The following RIC8B variants were observed in gnomAD, a reference collection of about 807,000 sequenced individuals.
The protein encoded by RIC8B is RIC8 guanine nucleotide exchange factor B.
RIC8B carries 16 observed loss-of-function variants against 57.5 expected under a neutral mutation model. The ratio of observed to expected loss-of-function variants is 0.28; its 90% CI spans 0.19 to 0.42. The LOEUF (loss-of-function observed/expected upper bound fraction) is 0.42, where lower values mean the gene tolerates loss of function less well. RIC8B is among the 10% of genes least tolerant of loss of function. The pLI is 1.00. For synonymous variants in RIC8B, 216 were observed against 250.8 expected (o/e 0.86, Z 1.31); for missense variants, 481 against 677.0 (o/e 0.71, Z 3.21).
In RIC8B at chr12:106,860,249, C is replaced by A; in HGVS notation, c.1307-19C>A. The stretch of plus-strand genomic sequence containing the variant: ...AAGACCCAAGGATTCCTATCTAAAA[C>A]CCTATTCTGTTTTTGCAGTGGATAG... On this transcript the variant is annotated intron_variant, in intron 7 of 9. Coordinates refer to ENST00000392837, the MANE Select transcript of RIC8B (RefSeq NM_001330145.2). 1 of 1,552,652 alleles carries A rather than the reference C, an allele frequency of 6.4e-7. No individual in the cohort carries two copies. The highest frequency in any genetic ancestry group is 8.7e-7 in the Non-Finnish European group (1 of 1,153,000).
chr12:106,843,063 G>C (rs543256721), intron 5 of RIC8B, among the ~76,000 whole-genome samples: 1 of 152,238 alleles, frequency 6.6e-6, no homozygotes, highest in South Asian at 2.1e-4. Context: ...TATGACTAGT[G>C]CTTGAAAACA....
At chr12:106,795,817 G>A (rs932654531) in intron 2 of RIC8B, among the ~76,000 whole-genome samples, 1 of 152,106 alleles carries the variant, frequency 6.6e-6, no homozygotes, top group African/African-American at 2.4e-5. Context: ...ATCTGCCTAA[G>A]TAATTTCTTC....
At chr12:106,819,287 T>G (rs1017419885) in intron 3 of RIC8B, among the ~76,000 whole-genome samples, 2 of 152,172 alleles carry the variant, frequency 1.3e-5, no homozygotes, top group Non-Finnish European at 2.9e-5. Flanking sequence ...TCACTTTAAA[T>G]AAAGAGCACC....
Position 106,843,835 on chromosome 12 carries a change from G to C in RIC8B, c.1066-17G>C, listed in dbSNP as rs374514301. ...AAACTAACGTATTTCAAAAACATAT[G>C]GTTTTTTTTTTTATAGGGAAGCAGC... On this transcript the variant is annotated splice_polypyrimidine_tract_variant and intron_variant, in intron 5 of 9. Transcript: ENST00000392837. 1.4e-4 allele frequency: 210 copies of C among 1,519,894 alleles called. No individual in the cohort carries two copies. Among genetic ancestry groups the C allele is most frequent in the Non-Finnish European group, 1.7e-4 (192 of 1,104,478 alleles). 94.2% of individuals were successfully genotyped at this position (1,519,894 alleles called of 1,614,324 possible).
Position 106,861,727 on chromosome 12 carries a change from A to G in RIC8B, c.1451+1315A>G, listed in dbSNP as rs1017817986. On this transcript the variant is annotated intron_variant, in intron 8 of 9. Coordinates refer to ENST00000392837, the MANE Select transcript of RIC8B (RefSeq NM_001330145.2). Reference sequence around the variant, plus strand: ...ACTAGCTTTTTTCATTCTATAAACTATATTTCCTTATCAGTTTAATATTGA... The same window carrying G: ...ACTAGCTTTTTTCATTCTATAAACTGTATTTCCTTATCAGTTTAATATTGA... Among the ~76,000 whole-genome samples, 8 of 152,086 alleles carry G rather than the reference A, an allele frequency of 5.3e-5. 1 individual carries two copies. The highest frequency in any genetic ancestry group is 1.4e-4 in the African/African-American group (6 of 41,424).
intron 3 of RIC8B, among the ~76,000 whole-genome samples, chr12:106,822,077 CAAAAAAAAAAAAAA>C (rs67378158): frequency 1.8e-4 from 7 of 38,038 alleles, no homozygotes; most frequent in African/African-American, 5.9e-4. Flanking sequence ...GACTCCATCT[CAAAAAAAAAAAAAA>C]AAAAAAAAAA....
At chr12:106,818,440 A>G (rs1176160443) in intron 3 of RIC8B, among the ~76,000 whole-genome samples, 1 of 152,066 alleles carries the variant, frequency 6.6e-6, no homozygotes, top group Non-Finnish European at 1.5e-5. Context: ...CTAGGATTAC[A>G]GGCATGAGCC....
chr12:106,861,457 G>A (rs1214861767), intron 8 of RIC8B, among the ~76,000 whole-genome samples: 1 of 152,060 alleles, frequency 6.6e-6, no homozygotes, highest in African/African-American at 2.4e-5. Context: ...AATCAGGTCT[G>A]AGTAGGTAGT....
intron 2 of RIC8B, among the ~76,000 whole-genome samples, chr12:106,806,101 C>T (rs910665156): frequency 6.6e-6 from 1 of 152,214 alleles, no homozygotes; most frequent in African/African-American, 2.4e-5. Flanking sequence ...AGGCATGTGC[C>T]TCCATGCCCG....
At chr12:106,809,990 A>G (rs1049890408) in intron 2 of RIC8B, among the ~76,000 whole-genome samples, 1 of 151,892 alleles carries the variant, frequency 6.6e-6, no homozygotes, top group African/African-American at 2.4e-5. Flanking sequence ...CCACAAAGCC[A>G]CTTCTACTAT....
intron 4 of RIC8B, among the ~76,000 whole-genome samples, chr12:106,833,704 T>C (rs2046460114): frequency 6.6e-6 from 1 of 152,200 alleles, no homozygotes; most frequent in African/African-American, 2.4e-5. Context: ...GAACTATCAT[T>C]AGCTAATAGC....
At chr12:106,818,455 C>A (rs10861670) in intron 3 of RIC8B, among the ~76,000 whole-genome samples, 1 of 151,874 alleles carries the variant, frequency 6.6e-6, no homozygotes, top group Non-Finnish European at 1.5e-5. Flanking sequence ...TGAGCCACCG[C>A]GCCCGGCCTC....
intron 2 of RIC8B, among the ~76,000 whole-genome samples, chr12:106,801,736 T>G (rs1350677215): frequency 1.3e-5 from 2 of 152,216 alleles, no homozygotes; most frequent in African/African-American, 4.8e-5. Flanking sequence ...AGAACCTTTA[T>G]TAAAAACATA....
chr12:106,796,659 A>G (rs1295180284), intron 2 of RIC8B, among the ~76,000 whole-genome samples: 1 of 152,226 alleles, frequency 6.6e-6, no homozygotes, highest in Non-Finnish European at 1.5e-5. Context: ...TAACACCAAA[A>G]GCACAAGTAA....
chr12:106,851,628 C>G, intron 7 of RIC8B, 34 bp downstream of exon 7: 4 of 1,587,278 alleles, frequency 2.5e-6, no homozygotes, highest in Non-Finnish European at 3.4e-6. Flanking sequence ...TGCCTTTTAT[C>G]TTTCAGAGGG....
chr12:106,815,358 T>C, intron 3 of RIC8B, 54 bp downstream of exon 3: 1 of 1,509,330 alleles, frequency 6.6e-7, no homozygotes, highest in East Asian at 2.3e-5. Flanking sequence ...GTCTGGGACA[T>C]CCCTAGAGTT....
At chr12:106,812,144 A>G (rs542123030) in intron 2 of RIC8B, among the ~76,000 whole-genome samples, 9 of 152,338 alleles carry the variant, frequency 5.9e-5, no homozygotes, top group Non-Finnish European at 8.8e-5. Flanking sequence ...AAGCTGTGCA[A>G]CAGTCACCGT....
At chr12:106,846,719 CA>C (rs1566127712) in intron 6 of RIC8B, among the ~76,000 whole-genome samples, 3 of 105,878 alleles carry the variant, frequency 2.8e-5, no homozygotes, top group African/African-American at 1.1e-4. Context: ...CTAAACAGAA[CA>C]GCCAAAAAAA....
chr12:106,787,735 G>A (rs1314231201), intron 2 of RIC8B, among the ~76,000 whole-genome samples: 1 of 151,980 alleles, frequency 6.6e-6, no homozygotes, highest in Non-Finnish European at 1.5e-5. Flanking sequence ...GAACAGTATG[G>A]GGGAAACTGC....
Sources: gnomAD v4.1 joint callset for allele counts (sites outside exome capture counted in the v4.1 genomes callset) on GRCh38, gnomAD v4.1.1 for gene constraint, MANE v1.5 for transcripts, NCBI Gene and HGNC (gene_info 2026-07-23, HGNC 2026-07-21) for gene names.